The following NDST4 variants were observed in gnomAD, a reference collection of about 807,000 sequenced individuals.
The protein encoded by NDST4 is N-deacetylase and N-sulfotransferase 4, also known as N-heparan sulfate sulfotransferase 4.
A neutral mutation model predicts 100.8 loss-of-function variants in NDST4; 63 were observed. The ratio of observed to expected loss-of-function variants is 0.62; its 90% CI spans 0.51 to 0.77. The LOEUF (loss-of-function observed/expected upper bound fraction) is 0.77, where lower values mean the gene tolerates loss of function less well. NDST4 is among the 30% of genes least tolerant of loss of function. NDST4 has a pLI of 0.00. For missense variants in NDST4, 943 were observed against 1,018.4 expected (o/e 0.93, Z 1.01); for synonymous variants, 377 against 361.8 (o/e 1.04, Z -0.48).
chr4:114,961,095 A>G (rs1206625063), intron 4 of NDST4, among the ~76,000 whole-genome samples: 1 of 151,956 alleles, frequency 6.6e-6, no homozygotes, highest in African/African-American at 2.4e-5. Flanking sequence ...GTATATTGAA[A>G]CTCTTAAGCA....
At chr4:115,011,895 A>C (rs1192456995) in intron 2 of NDST4, among the ~76,000 whole-genome samples, 1 of 151,924 alleles carries the variant, frequency 6.6e-6, no homozygotes, top group Non-Finnish European at 1.5e-5. Context: ...CATGTCCATA[A>C]ATAAAATGCT....
chr4:114,918,806 G>T (rs2126218170), intron 6 of NDST4, among the ~76,000 whole-genome samples: 1 of 152,180 alleles, frequency 6.6e-6, no homozygotes, highest in Non-Finnish European at 1.5e-5. Context: ...GAGAACATAG[G>T]GGAGCACTTT....
intron 1 of NDST4, among the ~76,000 whole-genome samples, chr4:115,109,548 T>C (rs887138405): frequency 1.3e-5 from 2 of 151,992 alleles, no homozygotes; most frequent in Non-Finnish European, 2.9e-5. Flanking sequence ...CCCAATTCTA[T>C]AATTCACTAG....
intron 2 of NDST4, among the ~76,000 whole-genome samples, chr4:115,039,577 T>C (rs2126273427): frequency 6.6e-6 from 1 of 152,300 alleles, no homozygotes; most frequent in Non-Finnish European, 1.5e-5. Context: ...ATAACAGCTA[T>C]ATCAATAAAT....
chr4:114,870,411 T>A (rs1724122608), intron 7 of NDST4, among the ~76,000 whole-genome samples: 1 of 152,146 alleles, frequency 6.6e-6, no homozygotes, highest in African/African-American at 2.4e-5. Flanking sequence ...TCTAGGTTTT[T>A]ATTTCCCTAG....
intron 6 of NDST4, among the ~76,000 whole-genome samples, chr4:114,924,289 A>G (rs1725344125): frequency 6.6e-6 from 1 of 152,162 alleles, no homozygotes. Flanking sequence ...CAGTGTTAAC[A>G]GAAAGAATAA....
chr4:114,970,639 G>A, intron 3 of NDST4, 55 bp from the exon 4 acceptor site: 2 of 1,455,918 alleles, frequency 1.4e-6, no homozygotes, highest in East Asian at 2.4e-5. Flanking sequence ...CTATCTTAAA[G>A]GTTATTTTTG....
At chr4:115,007,563 G>T (rs962596168) in intron 2 of NDST4, among the ~76,000 whole-genome samples, 1 of 140,186 alleles carries the variant, frequency 7.1e-6, no homozygotes, top group Middle Eastern at 3.8e-3. Flanking sequence ...AGGAAAGTAG[G>T]GTGAGCTGAG....
intron 6 of NDST4, among the ~76,000 whole-genome samples, chr4:114,883,854 C>T (rs529625545): frequency 5.9e-5 from 9 of 152,154 alleles, no homozygotes; most frequent in South Asian, 2.1e-4. Context: ...CCCTTGCATG[C>T]GCAGTTCACA....
At chr4:115,083,694 C>T (rs1470386532) in intron 1 of NDST4, among the ~76,000 whole-genome samples, 1 of 151,954 alleles carries the variant, frequency 6.6e-6, no homozygotes, top group African/African-American at 2.4e-5. Flanking sequence ...TGGTTATCTC[C>T]ATGCTGTTCT....
intron 2 of NDST4, among the ~76,000 whole-genome samples, chr4:115,043,600 AT>A: frequency 6.6e-6 from 1 of 152,204 alleles, no homozygotes; most frequent in East Asian, 1.9e-4. Context: ...ACGGAGTGGA[AT>A]CCTGAATCAA....
chr4:114,999,902 A>C (rs1322370514), intron 2 of NDST4, among the ~76,000 whole-genome samples: 2 of 151,984 alleles, frequency 1.3e-5, no homozygotes, highest in African/African-American at 4.8e-5. Flanking sequence ...GTGATCAGTG[A>C]AGGACCTATA....
intron 6 of NDST4, among the ~76,000 whole-genome samples, chr4:114,898,738 G>A (rs976357711): frequency 2.1e-5 from 3 of 141,864 alleles, no homozygotes; most frequent in Admixed American, 1.3e-4. Context: ...TTTTCCTCAC[G>A]TAAATTTTGC....
At chr4:114,947,304 A>G (rs1380073766) in intron 4 of NDST4, among the ~76,000 whole-genome samples, 3 of 152,166 alleles carry the variant, frequency 2.0e-5, no homozygotes, top group Non-Finnish European at 4.4e-5. Context: ...CAGAGCATAT[A>G]CAAGGGAATG....
intron 4 of NDST4, among the ~76,000 whole-genome samples, chr4:114,937,869 G>A (rs1476268334): frequency 3.3e-5 from 5 of 149,954 alleles, no homozygotes; most frequent in Non-Finnish European, 5.9e-5. Flanking sequence ...CATAGAATGC[G>A]TGTGTACGTG....
chr4:114,907,110 T>C lies in NDST4; in HGVS notation c.1536+28096A>G, dbSNP rs1334727557. Among the ~76,000 whole-genome samples, 4 of 152,158 alleles carry C rather than the reference T, an allele frequency of 2.6e-5. No individual in the cohort carries two copies. The East Asian group carries it at 5.8e-4, about 22-fold the overall frequency. ...TAGCTATAGCACATTGGTAAATTAT[T>C]TACCCCTGACAATCAAATTTTCTGA... On this transcript the variant is annotated intron_variant, in intron 6 of 13. Transcript: ENST00000264363.
At chr4:115,094,778 A>C (rs1345251170) in intron 1 of NDST4, among the ~76,000 whole-genome samples, 2 of 152,100 alleles carry the variant, frequency 1.3e-5, no homozygotes, top group African/African-American at 4.8e-5. Flanking sequence ...CACTGGGAGA[A>C]TGCCACAAGC....
chr4:114,961,096 C>T (rs1291576965), intron 4 of NDST4, among the ~76,000 whole-genome samples: 1 of 151,864 alleles, frequency 6.6e-6, no homozygotes, highest in Admixed American at 6.6e-5. Context: ...TATATTGAAA[C>T]TCTTAAGCAG....
intron 2 of NDST4, among the ~76,000 whole-genome samples, chr4:114,993,526 T>C (rs528875990): frequency 2.0e-5 from 3 of 152,080 alleles, no homozygotes; most frequent in African/African-American, 7.2e-5. Context: ...TGGACATATA[T>C]TCTGTTGCCT....
Sources: allele counts gnomAD v4.1 joint callset (sites outside exome capture counted in the v4.1 genomes callset), GRCh38; gene constraint gnomAD v4.1.1; transcripts MANE v1.5; gene names NCBI Gene and HGNC (gene_info 2026-07-23, HGNC 2026-07-21).